MAP1B: variants seen among roughly 807,000 people sequenced by gnomAD.
MAP1B encodes the protein microtubule associated protein 1B.
In MAP1B, 12 loss-of-function variants were observed where a neutral mutation model predicts 176.1. The ratio of observed to expected loss-of-function variants is 0.07; its 90% CI spans 0.04 to 0.11. MAP1B has a LOEUF of 0.11. Among genes scored for constraint, MAP1B ranks in the 10% least tolerant of loss-of-function variants. The pLI is 1.00. For synonymous variants in MAP1B, 1,044 were observed against 1,135.0 expected (o/e 0.92, Z 1.61); for missense variants, 2,523 against 2,990.5 (o/e 0.84, Z 3.65).
At chr5:72,129,377 G>A (rs1418972789) in intron 2 of MAP1B, among the ~76,000 whole-genome samples, 25 of 152,090 alleles carry the variant, frequency 1.6e-4, no homozygotes, top group Non-Finnish European at 7.4e-5. Flanking sequence ...CCAACATGGC[G>A]AAACCCTGTC....
intron 2 of MAP1B, among the ~76,000 whole-genome samples, chr5:72,176,177 G>A (rs189814352): frequency 1.1e-3 from 174 of 152,360 alleles, no homozygotes; most frequent in Non-Finnish European, 2.1e-3. Context: ...GGAGGCCATA[G>A]TGCCCTGCTG....
At chr5:72,151,307 G>T (rs1746135654) in intron 2 of MAP1B, among the ~76,000 whole-genome samples, 1 of 152,082 alleles carries the variant, frequency 6.6e-6, no homozygotes, top group Non-Finnish European at 1.5e-5. Context: ...TGAGGGATCT[G>T]CCCCCATGAC....
intron 2 of MAP1B, among the ~76,000 whole-genome samples, chr5:72,182,954 T>A (rs1746809152): frequency 6.6e-6 from 1 of 152,142 alleles, no homozygotes; most frequent in Admixed American, 6.5e-5. Context: ...CAGGTCTCCA[T>A]CCACTTTGGC....
At position 72,196,813 on chromosome 5, in the gene MAP1B, A is replaced by G; in HGVS notation, c.3458A>G (p.Glu1153Gly). 1 of 1,613,958 alleles carries G rather than the reference A, an allele frequency of 6.2e-7. No individual in the cohort carries two copies. Among genetic ancestry groups the G allele is most frequent in the Non-Finnish European group, 8.5e-7 (1 of 1,179,830 alleles). Residue 1153 changes from glutamate to glycine, a missense_variant, in exon 5 of 7, where the codon GAG (glutamate) becomes GGG (glycine). By Grantham distance (98) the Glu-to-Gly change is moderately conservative (BLOSUM62 -2). Transcript: ENST00000296755. The surrounding 1 kb of genome is among the most constrained non-coding windows in gnomAD (Gnocchi z 5.3). ...GATGAGACCAACAATGAAGAGACGG[A>G]GTCCCCTTCTCAGGAATTCGTAAAT... ...MSDETNNEET[E>G]SPSQEFVNIT...
intron 5 of MAP1B, among the ~76,000 whole-genome samples, chr5:72,200,708 T>C (rs1747315976): frequency 6.6e-6 from 1 of 152,168 alleles, no homozygotes. Flanking sequence ...GTTTCAGCCA[T>C]ACTGGCCTCA....
At chr5:72,167,123 A>T (rs1332600148) in intron 2 of MAP1B, among the ~76,000 whole-genome samples, 2 of 152,112 alleles carry the variant, frequency 1.3e-5, no homozygotes, top group Non-Finnish European at 2.9e-5. Flanking sequence ...GAGAGGAGGA[A>T]CAAAGGGAAA....
intron 2 of MAP1B, among the ~76,000 whole-genome samples, chr5:72,126,224 C>T (rs1277073885): frequency 1.3e-5 from 2 of 152,196 alleles, no homozygotes; most frequent in African/African-American, 4.8e-5. Context: ...CTCTGGGCCA[C>T]ACCTGAGAGC....
intron 2 of MAP1B, among the ~76,000 whole-genome samples, chr5:72,169,204 G>A (rs951216612): frequency 1.3e-5 from 2 of 152,168 alleles, no homozygotes; most frequent in Non-Finnish European, 2.9e-5. Context: ...AATGACCACA[G>A]GCAAAATCCA....
At chr5:72,136,832 G>A (rs1745845595) in intron 2 of MAP1B, among the ~76,000 whole-genome samples, 1 of 152,092 alleles carries the variant, frequency 6.6e-6, no homozygotes, top group Non-Finnish European at 1.5e-5. Flanking sequence ...TGCTAATATG[G>A]GTGCTTAAAT....
chr5:72,163,930 C>CTTTTTT (rs869167918), intron 2 of MAP1B, among the ~76,000 whole-genome samples: 95 of 43,698 alleles, frequency 2.2e-3, no homozygotes, highest in African/African-American at 4.8e-3. Context: ...TTTTTTTTTT[C>CTTTTTT]TTTTTTTTTT....
At chr5:72,146,205 A>G (rs1746043488) in intron 2 of MAP1B, among the ~76,000 whole-genome samples, 1 of 152,204 alleles carries the variant, frequency 6.6e-6, no homozygotes, top group African/African-American at 2.4e-5. Context: ...TGACACCAGA[A>G]CCAAAAAATC....
intron 2 of MAP1B, among the ~76,000 whole-genome samples, chr5:72,177,255 G>T (rs1746669215): frequency 1.3e-5 from 2 of 152,184 alleles, no homozygotes; most frequent in South Asian, 4.1e-4. Flanking sequence ...GGAGCTCTAA[G>T]CTGGGGCACC....
intron 2 of MAP1B, among the ~76,000 whole-genome samples, chr5:72,171,067 G>A (rs1230649880): frequency 6.6e-6 from 1 of 152,210 alleles, no homozygotes; most frequent in African/African-American, 2.4e-5. Context: ...TCTTGCTGCT[G>A]CGTGTCAGGA....
At chr5:72,152,291 G>A (rs1015208998) in intron 2 of MAP1B, among the ~76,000 whole-genome samples, 2 of 152,088 alleles carry the variant, frequency 1.3e-5, no homozygotes, top group African/African-American at 4.8e-5. Flanking sequence ...TTGGCCTCTA[G>A]CTCTTTGAAA....
chr5:72,190,998 A>T (rs762705653), intron 4 of MAP1B, among the ~76,000 whole-genome samples: 1 of 152,254 alleles, frequency 6.6e-6, no homozygotes, highest in African/African-American at 2.4e-5. Flanking sequence ...AGTAATTAAC[A>T]AAAAAGATTA....
rs1425448036 is a variant in MAP1B, at chr5:72,193,951, C to A, written c.596C>A (p.Ser199Tyr). The A allele has an allele frequency of 6.2e-7, 1 of 1,614,124 alleles. No individual in the cohort carries two copies. The highest frequency in any genetic ancestry group is 1.7e-5 in the Admixed American group (1 of 60,024). ...FCPEEGDWKN[S>Y]NLDRHNLQDF... is the part of the protein sequence containing the mutation. ...CCTGAAGAAGGGGACTGGAAGAACT[C>A]CAATCTTGACAGACACAATCTCCAA... Residue 199 changes from serine to tyrosine, a missense_variant, in exon 5 of 7, where the codon TCC (serine) becomes TAC (tyrosine). Physicochemically the swap from Ser to Tyr is moderately radical, Grantham distance 144 (BLOSUM62 -2). Around this residue, in one of 4 missense-constraint regions of MAP1B, gnomAD observed 307 missense variants for 438.4 expected, o/e 0.70. Coordinates refer to ENST00000296755, the MANE Select transcript of MAP1B (RefSeq NM_005909.5).
intron 2 of MAP1B, among the ~76,000 whole-genome samples, chr5:72,159,104 G>A (rs888492808): frequency 6.6e-6 from 1 of 152,204 alleles, no homozygotes; most frequent in East Asian, 1.9e-4. Context: ...CAAGTTGTAG[G>A]GCTGGGATTT....
intron 2 of MAP1B, among the ~76,000 whole-genome samples, chr5:72,156,212 G>A (rs1464769656): frequency 6.6e-6 from 1 of 152,136 alleles, no homozygotes; most frequent in Non-Finnish European, 1.5e-5. Flanking sequence ...GCCACTGCAT[G>A]AAGGCAACAG....
intron 2 of MAP1B, among the ~76,000 whole-genome samples, chr5:72,156,533 C>T (rs944633661): frequency 2.0e-5 from 3 of 152,200 alleles, no homozygotes; most frequent in Non-Finnish European, 2.9e-5. Flanking sequence ...TGCTTAAGGA[C>T]AGTAGAAAGA....
Sources: gnomAD v4.1 joint callset for allele counts (sites outside exome capture counted in the v4.1 genomes callset) on GRCh38, gnomAD v4.1.1 for gene constraint, gnomAD v4.1.1 regional missense constraint, Gnocchi (gnomAD v3.1) non-coding constraint, MANE v1.5 for transcripts, NCBI Gene and HGNC (gene_info 2026-07-23, HGNC 2026-07-21) for gene names.